NKIRAS1: variants seen among roughly 807,000 people sequenced by gnomAD.
The protein encoded by NKIRAS1 is NF-kappa-B inhibitor-interacting Ras-like protein 1.
A neutral mutation model predicts 19.8 loss-of-function variants in NKIRAS1; 16 were observed. That is an observed-to-expected ratio of 0.81 (90% CI 0.55 to 1.23). The LOEUF is 1.23. Among genes scored for constraint, NKIRAS1 ranks in the 50% most tolerant of loss-of-function variants. NKIRAS1 has a pLI of 0.00. For missense variants in NKIRAS1, 184 were observed against 220.0 expected, an observed-to-expected ratio of 0.84 and a Z score of 1.04; for synonymous variants, 88 against 79.0, an observed-to-expected ratio of 1.11 and a Z score of -0.61.
chr3:23,917,609 C>A (rs1444764048), upstream of NKIRAS1: 1 of 451,698 alleles, frequency 2.2e-6, no homozygotes, highest in Non-Finnish European at 3.9e-6. Context: ...AGTTCTGGTT[C>A]TGTTAATTCG....
chr3:23,911,269 C>T, intron 2 of NKIRAS1, 60 bp downstream of exon 2: 1 of 183,390 alleles, frequency 5.5e-6, no homozygotes, highest in Admixed American at 5.5e-5. Context: ...GCCTGGCCAA[C>T]ATGGTGAAAC....
chr3:23,932,362 C>A (rs1050421552), intron 1 of NKIRAS1, among the ~76,000 whole-genome samples: 2 of 152,084 alleles, frequency 1.3e-5, no homozygotes, highest in African/African-American at 4.8e-5. Context: ...CTGAAGTGTA[C>A]CTCTCTAACA....
intron 3 of NKIRAS1, among the ~76,000 whole-genome samples, chr3:23,903,435 T>C (rs1036880376): frequency 6.6e-6 from 1 of 152,000 alleles, no homozygotes; most frequent in Non-Finnish European, 1.5e-5. Context: ...TTTTTAATTA[T>C]GAACAGATAA....
rs918510307 is a variant in NKIRAS1, at chr3:23,892,083, G to T, written c.*1012C>A. On this transcript the variant is annotated 3_prime_UTR_variant, in exon 5 of 5. Coordinates refer to ENST00000425478, the MANE Select transcript of NKIRAS1 (RefSeq NM_020345.4). ...CCATTTAAGATGTTACAAATTACTT[G>T]ATGTTTTAATATGTTCTTTGTTGAA... 6.6e-6 allele frequency: 1 copy of T among 152,184 alleles called. No individual in the cohort carries two copies. Among genetic ancestry groups the T allele is most frequent in the Non-Finnish European group, 1.5e-5 (1 of 68,026 alleles). The allele number at this position is 152,184 out of a possible 1,614,324, so 9.4% of individuals were successfully genotyped here.
upstream of NKIRAS1, chr3:23,918,558 C>T (rs1237659741): frequency 3.7e-6 from 6 of 1,613,806 alleles, no homozygotes; most frequent in East Asian, 2.2e-5. Context: ...TTGCTCGAAG[C>T]CTTCAGTCCG....
At chr3:23,921,504 G>A (rs1575124414), upstream of NKIRAS1, 1 of 668,510 alleles carries the variant, frequency 1.5e-6, no homozygotes, top group Non-Finnish European at 2.7e-6. Flanking sequence ...CGCCCCACAA[G>A]CTGTTCCCAT....
intron 1 of NKIRAS1, among the ~76,000 whole-genome samples, chr3:23,934,287 C>T (rs1025000769): frequency 3.3e-5 from 5 of 152,182 alleles, no homozygotes; most frequent in African/African-American, 9.7e-5. Flanking sequence ...CACCCCCAAA[C>T]AAACCACTCC....
intron 4 of NKIRAS1, among the ~76,000 whole-genome samples, chr3:23,898,642 C>T (rs554922188): frequency 3.9e-4 from 60 of 152,144 alleles, no homozygotes; most frequent in Non-Finnish European, 5.9e-5. Flanking sequence ...GACGGGGTTC[C>T]ACCATGTTGG....
rs72627070 is a variant in NKIRAS1 at position 23,901,700 on chromosome 3, T to C, written c.95-651A>G. 6.0e-3 allele frequency among the ~76,000 whole-genome samples: 906 copies of C among 152,264 alleles called. 17 individuals are homozygous for C. Among genetic ancestry groups the C allele is most frequent in the East Asian group, 0.049 (254 of 5,174 alleles). ...TGATAAAGGAATTAAAGGGAGAAGA[T>C]TAACATTCTTAATTTTAATAAGTAG... On this transcript the variant is annotated intron_variant, in intron 3 of 4. Coordinates refer to ENST00000425478, the MANE Select transcript of NKIRAS1 (RefSeq NM_020345.4).
chr3:23,918,319 C>T (rs1704806391), upstream of NKIRAS1: 2 of 1,185,718 alleles, frequency 1.7e-6, no homozygotes, highest in Non-Finnish European at 2.3e-6. Context: ...TTATTTTTTT[C>T]TATTAGATAG....
chr3:23,904,173 T>C (rs189149048), intron 3 of NKIRAS1, among the ~76,000 whole-genome samples: 96 of 152,190 alleles, frequency 6.3e-4, no homozygotes, highest in African/African-American at 1.8e-3. Context: ...AAAGAAAAGA[T>C]CAATTCTATG....
chr3:23,928,857 C>T (rs1255752594), intron 1 of NKIRAS1, among the ~76,000 whole-genome samples: 2 of 151,634 alleles, frequency 1.3e-5, no homozygotes, highest in African/African-American at 2.4e-5. Flanking sequence ...CCAGGTGTGG[C>T]GGTGTGCGCT....
chr3:23,921,524 T>TA, upstream of NKIRAS1: 1 of 678,600 alleles, frequency 1.5e-6, no homozygotes, highest in African/African-American at 1.8e-5. Context: ...TTTGCTTTAC[T>TA]ATTTCTATAT....
intron 1 of NKIRAS1, among the ~76,000 whole-genome samples, chr3:23,945,770 C>T (rs72627094): frequency 0.14 from 21,390 of 150,246 alleles, 2,168 homozygotes; most frequent in African/African-American, 0.27. Context: ...CCGCCCGGCG[C>T]CCGCCCTCTT....
chr3:23,894,092 TAAATGTATGGGCCAAAAACAAAA>T (rs1323366573), intron 4 of NKIRAS1, among the ~76,000 whole-genome samples: 2 of 152,198 alleles, frequency 1.3e-5, no homozygotes, highest in African/African-American at 4.8e-5. Flanking sequence ...AAGTGTCTGT[TAAATGTATGGGCCAAAAACAAAA>T]AAAGTATGTG....
rs1701380646 is a variant in NKIRAS1, at chr3:23,890,520, G to A, written c.*2575C>T. ...TTCTTTTCTTCCAGCCGACCCCTTG[G>A]TGGGAAGTATTGCCACTCAGTATAT... On this transcript the variant is annotated 3_prime_UTR_variant, in exon 5 of 5. Transcript: ENST00000425478. The A allele has an allele frequency of 6.2e-7, 1 of 1,611,648 alleles. No individual in the cohort carries two copies. Among genetic ancestry groups the A allele is most frequent in the Non-Finnish European group, 8.5e-7 (1 of 1,179,014 alleles).
At chr3:23,909,216 T>C (rs1559505979) in intron 3 of NKIRAS1, among the ~76,000 whole-genome samples, 1 of 152,086 alleles carries the variant, frequency 6.6e-6, no homozygotes, top group Non-Finnish European at 1.5e-5. Context: ...CACATAGAAA[T>C]GGTTAATGAA....
upstream of NKIRAS1, chr3:23,919,208 C>A (rs1398566766): frequency 1.2e-6 from 2 of 1,613,502 alleles, no homozygotes; most frequent in Non-Finnish European, 1.7e-6. Flanking sequence ...GCGAGCTGGA[C>A]GCCACTGTGG....
chr3:23,912,952 T>C (rs1703923465), intron 1 of NKIRAS1, among the ~76,000 whole-genome samples: 2 of 131,676 alleles, frequency 1.5e-5, no homozygotes, highest in East Asian at 4.4e-4. Context: ...CCGTCTCTAC[T>C]AAAAATACAA....
Sources: allele counts gnomAD v4.1 joint callset (sites outside exome capture counted in the v4.1 genomes callset), GRCh38; gene constraint gnomAD v4.1.1; transcripts MANE v1.5; gene names NCBI Gene and HGNC (gene_info 2026-07-23, HGNC 2026-07-21).